MACROD2: variants seen among roughly 807,000 people sequenced by gnomAD.
MACROD2 encodes the protein mono-ADP ribosylhydrolase 2, also known as ADP-ribose glycohydrolase MACROD2.
Under a neutral mutation model 70.4 loss-of-function variants are expected in MACROD2, and 36 were observed. The observed-to-expected ratio is 0.51, with a 90% CI of 0.39 to 0.68. MACROD2 has a LOEUF of 0.68. Ranked by LOEUF, MACROD2 falls within the 30% of genes least tolerant of loss-of-function variation. The probability of loss-of-function intolerance (pLI) is 0.00; values close to 1 mark genes in which losing one functional copy is unlikely to be tolerated. For missense variants in MACROD2, 496 were observed against 538.4 expected, an observed-to-expected ratio of 0.92 and a Z score of 0.78; for synonymous variants, 172 against 178.8, an observed-to-expected ratio of 0.96 and a Z score of 0.30.
intron 8 of MACROD2, among the ~76,000 whole-genome samples, chr20:15,555,844 AAAAAAAAAAAGG>A (rs1460152529): frequency 1.4e-5 from 2 of 147,498 alleles, no homozygotes; most frequent in African/African-American, 5.2e-5. Flanking sequence ...AAAAAAAAAA[AAAAAAAAAAAGG>A]AAAAGAAAAG....
chr20:15,657,281 AT>A (rs1263589917), intron 8 of MACROD2, among the ~76,000 whole-genome samples: 1 of 152,178 alleles, frequency 6.6e-6, no homozygotes, highest in Non-Finnish European at 1.5e-5. Context: ...AATATTTGTT[AT>A]TTCTTCTGAT....
intron 5 of MACROD2, among the ~76,000 whole-genome samples, chr20:15,150,486 G>A (rs942824493): frequency 6.6e-6 from 1 of 151,958 alleles, no homozygotes; most frequent in Admixed American, 6.6e-5. Context: ...ATTGTAAGGA[G>A]AATTTATAGG....
At chr20:15,850,456 A>G (rs1225832967) in intron 8 of MACROD2, among the ~76,000 whole-genome samples, 1 of 152,192 alleles carries the variant, frequency 6.6e-6, no homozygotes, top group Non-Finnish European at 1.5e-5. Flanking sequence ...CACACTTACT[A>G]CTTAGACCCA....
intron 13 of MACROD2, among the ~76,000 whole-genome samples, chr20:15,971,813 C>A (rs1024646494): frequency 6.6e-6 from 1 of 151,864 alleles, no homozygotes; most frequent in Non-Finnish European, 1.5e-5. Context: ...GTGGCTCAAG[C>A]AGGGTAAAAT....
intron 5 of MACROD2, among the ~76,000 whole-genome samples, chr20:14,857,215 T>C (rs2073264400): frequency 6.6e-6 from 1 of 152,176 alleles, no homozygotes; most frequent in African/African-American, 2.4e-5. Context: ...TAGTTTTATT[T>C]ATGAATCCAA....
intron 15 of MACROD2, among the ~76,000 whole-genome samples, chr20:16,031,343 C>T (rs531654850): frequency 3.6e-4 from 55 of 152,198 alleles, no homozygotes; most frequent in Admixed American, 6.5e-4. Flanking sequence ...CTGGAGATTG[C>T]GGAGAAATCA....
intron 6 of MACROD2, among the ~76,000 whole-genome samples, chr20:15,403,790 C>T (rs1379834506): frequency 6.6e-6 from 1 of 152,120 alleles, no homozygotes; most frequent in Non-Finnish European, 1.5e-5. Context: ...CAATGAAAGG[C>T]CCATCCTAAG....
At chr20:14,996,472 C>A (rs983984318) in intron 5 of MACROD2, among the ~76,000 whole-genome samples, 2 of 152,186 alleles carry the variant, frequency 1.3e-5, no homozygotes, top group Non-Finnish European at 2.9e-5. Context: ...AATCATCTTC[C>A]TCCTCTACCC....
At chr20:15,256,774 T>C (rs555508357) in intron 6 of MACROD2, among the ~76,000 whole-genome samples, 14 of 152,174 alleles carry the variant, frequency 9.2e-5, no homozygotes, top group African/African-American at 3.4e-4. Context: ...TATGGTATAC[T>C]TGGATTTATT....
At chr20:16,004,689 C>G (rs73237720) in intron 15 of MACROD2, among the ~76,000 whole-genome samples, 2,675 of 152,346 alleles carry the variant, frequency 0.018, 81 homozygotes, top group African/African-American at 0.06. Context: ...CACACACAGC[C>G]GCAGGACCAG....
At chr20:15,258,551 G>C (rs1601313002) in intron 6 of MACROD2, among the ~76,000 whole-genome samples, 1 of 152,086 alleles carries the variant, frequency 6.6e-6, no homozygotes, top group East Asian at 1.9e-4. Flanking sequence ...AGGAGCAATA[G>C]ACTTTACCAT....
chr20:14,966,584 T>C (rs116753397), intron 5 of MACROD2, among the ~76,000 whole-genome samples: 3,362 of 152,218 alleles, frequency 0.022, 137 homozygotes, highest in African/African-American at 0.075. Flanking sequence ...TTCAGATGCT[T>C]CTTCATCACC....
At position 15,560,534 on chromosome 20, in the gene MACROD2, G is replaced by A. The variant is rs116965393; in HGVS notation, c.645+60687G>A. On this transcript the variant is annotated intron_variant, in intron 8 of 17. Transcript: ENST00000684519. ...TCCCAGCATTTGAGAGGCTGAGGTA[G>A]GCAAGATAACTTGAGGTCAGGAGTT... Among the ~76,000 whole-genome samples the A allele has an allele frequency of 1.2e-3, 180 of 152,050 alleles. 5 individuals carry two copies. The East Asian group carries it at 0.031, about 26-fold the overall frequency.
chr20:15,725,307 G>A (rs1018515346), intron 8 of MACROD2, among the ~76,000 whole-genome samples: 1 of 152,004 alleles, frequency 6.6e-6, no homozygotes, highest in Non-Finnish European at 1.5e-5. Flanking sequence ...TACATATTTT[G>A]TTAGATTTAT....
intron 8 of MACROD2, among the ~76,000 whole-genome samples, chr20:15,671,295 C>G (rs765578071): frequency 1.3e-5 from 2 of 152,106 alleles, no homozygotes; most frequent in African/African-American, 4.8e-5. Flanking sequence ...ACTTTCATCA[C>G]GTTTGCTAAT....
chr20:14,860,399 C>A (rs1456026208), intron 5 of MACROD2, among the ~76,000 whole-genome samples: 1 of 152,036 alleles, frequency 6.6e-6, no homozygotes, highest in East Asian at 1.9e-4. Context: ...CTTTCCTCCT[C>A]CCCTTTGTGA....
In MACROD2 at chr20:14,317,331, G is replaced by A. The variant is rs535391923; in HGVS notation, c.272-176148G>A. Among the ~76,000 whole-genome samples, 5 of 151,982 alleles carry A rather than the reference G, an allele frequency of 3.3e-5. No individual in the cohort carries two copies. The South Asian group carries it at 1.0e-3, about 32-fold the overall frequency. ...TCCTTTGAGTTTTGTTTAATATCTG[G>A]ATTCCTGGGTGGGCACGGTGACTAA... On this transcript the variant is annotated intron_variant, in intron 3 of 17. Coordinates refer to ENST00000684519, the MANE Select transcript of MACROD2 (RefSeq NM_001351661.2).
At chr20:15,848,396 A>G (rs929217480) in intron 8 of MACROD2, among the ~76,000 whole-genome samples, 2 of 152,022 alleles carry the variant, frequency 1.3e-5, no homozygotes, top group Non-Finnish European at 2.9e-5. Flanking sequence ...AAGGATTAGT[A>G]ACGATTAGGA....
At chr20:14,255,538 G>A (rs1447934875) in intron 3 of MACROD2, among the ~76,000 whole-genome samples, 5 of 151,724 alleles carry the variant, frequency 3.3e-5, no homozygotes, top group Non-Finnish European at 7.4e-5. Context: ...CCTGTTGTGG[G>A]GTGGGGGCAG....
Sources: allele counts gnomAD v4.1 joint callset (sites outside exome capture counted in the v4.1 genomes callset), GRCh38; gene constraint gnomAD v4.1.1; transcripts MANE v1.5; gene names NCBI Gene and HGNC (gene_info 2026-07-23, HGNC 2026-07-21).